The following SIPA1L3 variants were observed in gnomAD, a reference collection of about 807,000 sequenced individuals.
The protein encoded by SIPA1L3 is signal-induced proliferation-associated 1-like protein 3.
In SIPA1L3, 59 loss-of-function variants were observed where a neutral mutation model predicts 150.1. That is an observed-to-expected ratio of 0.39 (90% CI 0.32 to 0.49). SIPA1L3 has a LOEUF of 0.49. Ranked by LOEUF, SIPA1L3 falls within the 20% of genes least tolerant of loss-of-function variation. The probability of loss-of-function intolerance (pLI) is 0.86; values close to 1 mark genes in which losing one functional copy is unlikely to be tolerated. For synonymous variants in SIPA1L3, 1,070 were observed against 1,077.6 expected (o/e 0.99, Z 0.14); for missense variants, 2,211 against 2,489.5 (o/e 0.89, Z 2.38).
chr19:38,132,595 A>AG (rs1376229989), intron 10 of SIPA1L3, among the ~76,000 whole-genome samples: 1 of 151,322 alleles, frequency 6.6e-6, no homozygotes, highest in Non-Finnish European at 1.5e-5. Context: ...AAAAAAAAAA[A>AG]AAAAGAAAAA....
intron 12 of SIPA1L3, among the ~76,000 whole-genome samples, chr19:38,147,657 T>C (rs1227998667): frequency 6.6e-6 from 1 of 152,232 alleles, no homozygotes; most frequent in African/African-American, 2.4e-5. Flanking sequence ...TCCACTGTAC[T>C]GCTTTTGTTC....
At chr19:38,196,511 G>GGGC in intron 18 of SIPA1L3, among the ~76,000 whole-genome samples, 3 of 149,094 alleles carry the variant, frequency 2.0e-5, no homozygotes, top group African/African-American at 7.4e-5. Flanking sequence ...AGGAGGTCAA[G>GGGC]GGAGGAGCAT....
intron 2 of SIPA1L3, among the ~76,000 whole-genome samples, chr19:38,079,176 C>CA (rs1159890979): frequency 6.6e-6 from 1 of 152,080 alleles, no homozygotes; most frequent in South Asian, 2.1e-4. Context: ...ACTAAAAATA[C>CA]AAAAAAATTA....
chr19:38,011,429 T>C (rs970023051), intron 1 of SIPA1L3, among the ~76,000 whole-genome samples: 1 of 152,170 alleles, frequency 6.6e-6, no homozygotes, highest in Non-Finnish European at 1.5e-5. Context: ...TGAGCCATGA[T>C]TGCACCACTT....
chr19:38,179,658 A>AATATAAG, intron 15 of SIPA1L3, among the ~76,000 whole-genome samples: 1 of 152,136 alleles, frequency 6.6e-6, no homozygotes, highest in South Asian at 2.1e-4. Context: ...GTTTTAACCC[A>AATATAAG]GCAGTATAGT....
chr19:38,123,146 C>T (rs1053469006), intron 9 of SIPA1L3, among the ~76,000 whole-genome samples: 1 of 152,126 alleles, frequency 6.6e-6, no homozygotes, highest in Non-Finnish European at 1.5e-5. Context: ...GGTGGTCTTG[C>T]GTCTCTTGCT....
At chr19:38,135,282 C>T (rs1971409644) in intron 10 of SIPA1L3, among the ~76,000 whole-genome samples, 1 of 152,172 alleles carries the variant, frequency 6.6e-6, no homozygotes. Flanking sequence ...GTGGCCACCC[C>T]TACCCACATC....
At chr19:38,157,812 A>T (rs1184900298) in intron 13 of SIPA1L3, among the ~76,000 whole-genome samples, 1 of 152,200 alleles carries the variant, frequency 6.6e-6, no homozygotes, top group African/African-American at 2.4e-5. Flanking sequence ...TGATGCCACC[A>T]GGCTGGGCGC....
intron 1 of SIPA1L3, among the ~76,000 whole-genome samples, chr19:38,008,217 CTTTTTTTTTTTTTTT>C (rs35422339): frequency 2.0e-5 from 1 of 50,094 alleles, no homozygotes; most frequent in African/African-American, 7.6e-5. Flanking sequence ...CCATAGGCTG[CTTTTTTTTTTTTTTT>C]TTTTTTTTTT....
intron 2 of SIPA1L3, among the ~76,000 whole-genome samples, chr19:38,049,086 A>G: frequency 6.7e-6 from 1 of 149,582 alleles, no homozygotes; most frequent in African/African-American, 2.5e-5. Context: ...CATCTCAAAA[A>G]AAAAGCGGGG....
At chr19:38,140,092 TGGGTGGCCATGAACGG>T (rs542794394) in intron 10 of SIPA1L3, among the ~76,000 whole-genome samples, 2,360 of 152,318 alleles carry the variant, frequency 0.015, 26 homozygotes, top group South Asian at 0.044. Flanking sequence ...GATCTTTTGC[TGGGTGGCCATGAACGG>T]GGTGGCTCCA....
intron 2 of SIPA1L3, among the ~76,000 whole-genome samples, chr19:38,063,041 G>A (rs888649595): frequency 1.3e-5 from 2 of 152,194 alleles, no homozygotes; most frequent in Non-Finnish European, 2.9e-5. Context: ...GAACCCCATT[G>A]TGAAGCACGG....
At chr19:38,096,232 A>T (rs140794501) in intron 4 of SIPA1L3, among the ~76,000 whole-genome samples, 8 of 152,140 alleles carry the variant, frequency 5.3e-5, no homozygotes, top group African/African-American at 1.4e-4. Flanking sequence ...TTTGCAGTTA[A>T]TACTTATCCT....
intron 6 of SIPA1L3, among the ~76,000 whole-genome samples, chr19:38,103,058 G>A (rs1166401222): frequency 6.6e-6 from 1 of 151,750 alleles, no homozygotes; most frequent in Non-Finnish European, 1.5e-5. Flanking sequence ...GGGAGGCAGA[G>A]GTTGCAGTGA....
At chr19:37,942,711 A>C (rs2046671119) in intron 1 of SIPA1L3, among the ~76,000 whole-genome samples, 1 of 152,116 alleles carries the variant, frequency 6.6e-6, no homozygotes, top group East Asian at 1.9e-4. Flanking sequence ...GTCCCGGATG[A>C]GAGTGGTGGC....
At chr19:38,088,980 C>T in intron 4 of SIPA1L3, 129 bp downstream of exon 4, 1 of 933,072 alleles carries the variant, frequency 1.1e-6, no homozygotes, top group South Asian at 1.6e-5. Context: ...GAGAGCAATC[C>T]TGTTAGTCTC....
At chr19:38,143,286 C>T (rs968617883) in intron 12 of SIPA1L3, among the ~76,000 whole-genome samples, 3 of 152,192 alleles carry the variant, frequency 2.0e-5, no homozygotes, top group African/African-American at 7.2e-5. Context: ...TGTTCTTCCT[C>T]TGCCCCCAGG....
intron 1 of SIPA1L3, among the ~76,000 whole-genome samples, chr19:37,993,952 T>A (rs1256485129): frequency 6.6e-6 from 1 of 152,202 alleles, no homozygotes; most frequent in Non-Finnish European, 1.5e-5. Flanking sequence ...TGGAGAGCAG[T>A]GGCACAATCA....
At chr19:37,927,338 G>A (rs1211739656) in intron 1 of SIPA1L3, among the ~76,000 whole-genome samples, 3 of 152,004 alleles carry the variant, frequency 2.0e-5, no homozygotes, top group African/African-American at 7.2e-5. Context: ...TTTTAGTAGA[G>A]ATTGGATTTT....
Sources: allele counts gnomAD v4.1 joint callset (sites outside exome capture counted in the v4.1 genomes callset), GRCh38; gene constraint gnomAD v4.1.1; transcripts MANE v1.5; gene names NCBI Gene and HGNC (gene_info 2026-07-23, HGNC 2026-07-21).